Variants in QTMAN observed in about 807,000 individuals in gnomAD.
QTMAN encodes queuosine-tRNA mannosyltransferase.
chr2:144,266,294 G>T, the QTMAN span, among the ~76,000 whole-genome samples: 1 of 152,088 alleles, frequency 6.6e-6, no homozygotes, highest in Non-Finnish European at 1.5e-5. Context: ...AGAAAGAGGG[G>T]TAACATCCAG....
the QTMAN span, among the ~76,000 whole-genome samples, chr2:144,283,684 T>G: frequency 3.3e-5 from 5 of 152,216 alleles, no homozygotes; most frequent in African/African-American, 1.2e-4. Context: ...CAAAATATAG[T>G]TACTTGAAGT....
chr2:144,215,001 G>A, the QTMAN span, among the ~76,000 whole-genome samples: 137 of 152,016 alleles, frequency 9.0e-4, no homozygotes, highest in Non-Finnish European at 1.5e-3. Context: ...CTAGCACTTT[G>A]GGAGGCTGAG....
At chr2:144,005,438 C>T in the QTMAN span, among the ~76,000 whole-genome samples, 4 of 152,034 alleles carry the variant, frequency 2.6e-5, no homozygotes, top group African/African-American at 9.7e-5. Flanking sequence ...CAGCTTCTAC[C>T]TTGTATGTCC....
At chr2:144,082,163 C>T in the QTMAN span, among the ~76,000 whole-genome samples, 3 of 152,238 alleles carry the variant, frequency 2.0e-5, no homozygotes, top group South Asian at 6.2e-4. Flanking sequence ...TCCCAAAATG[C>T]TGGGATTACA....
chr2:144,210,804 T>A, the QTMAN span: 1 of 152,132 alleles, frequency 6.6e-6, no homozygotes, highest in African/African-American at 2.4e-5. Context: ...ATAAGCAGTT[T>A]AACATTAATT....
the QTMAN span, among the ~76,000 whole-genome samples, chr2:144,174,901 G>A: frequency 7.9e-5 from 12 of 152,178 alleles, no homozygotes; most frequent in East Asian, 2.1e-3. Flanking sequence ...TATGAAAATG[G>A]ACTAATACAA....
At chr2:144,172,801 A>T in the QTMAN span, among the ~76,000 whole-genome samples, 1 of 152,060 alleles carries the variant, frequency 6.6e-6, no homozygotes, top group South Asian at 2.1e-4. Flanking sequence ...GCCTCACCTA[A>T]GATTATGCCT....
At chr2:143,982,187 T>C in the QTMAN span, among the ~76,000 whole-genome samples, 1 of 152,120 alleles carries the variant, frequency 6.6e-6, no homozygotes, top group Admixed American at 6.6e-5. Flanking sequence ...TTAAATATAC[T>C]TACTGCTAGT....
the QTMAN span, among the ~76,000 whole-genome samples, chr2:144,111,687 A>T: frequency 1.3e-5 from 2 of 152,154 alleles, no homozygotes; most frequent in Non-Finnish European, 2.9e-5. Flanking sequence ...AGCATTTGTT[A>T]TCTTTAAATC....
the QTMAN span, among the ~76,000 whole-genome samples, chr2:144,133,386 ATATAT>A: frequency 0.23 from 11,089 of 48,448 alleles, 1,350 homozygotes; most frequent in Non-Finnish European, 0.31. Context: ...TAATAATATA[ATATAT>A]ATTATATAAA....
the QTMAN span, among the ~76,000 whole-genome samples, chr2:144,190,516 C>G: frequency 1.3e-5 from 2 of 152,138 alleles, no homozygotes; most frequent in Non-Finnish European, 2.9e-5. Flanking sequence ...AATGCTTTTA[C>G]TCATGAAAAT....
chr2:143,979,720 T>C, the QTMAN span, among the ~76,000 whole-genome samples: 11 of 152,350 alleles, frequency 7.2e-5, no homozygotes, highest in Admixed American at 5.9e-4. Flanking sequence ...TCAGCACATA[T>C]AGATATCTCA....
At chr2:144,023,453 C>G in the QTMAN span, among the ~76,000 whole-genome samples, 1 of 152,116 alleles carries the variant, frequency 6.6e-6, no homozygotes. Flanking sequence ...AAAATCAGAC[C>G]TTTTAACATT....
chr2:144,321,111 C>A, the QTMAN span, among the ~76,000 whole-genome samples: 3 of 152,178 alleles, frequency 2.0e-5, no homozygotes, highest in Non-Finnish European at 4.4e-5. Flanking sequence ...CCCCCACAAC[C>A]AAGTAGTATC....
At chr2:144,060,386 G>A in the QTMAN span, among the ~76,000 whole-genome samples, 1 of 152,008 alleles carries the variant, frequency 6.6e-6, no homozygotes, top group African/African-American at 2.4e-5. Context: ...TCAGCCTCCT[G>A]AGTAGCTGGG....
the QTMAN span, among the ~76,000 whole-genome samples, chr2:144,158,731 CAA>C: frequency 6.6e-6 from 1 of 151,784 alleles, no homozygotes; most frequent in African/African-American, 2.4e-5. Context: ...ATTGTATGTG[CAA>C]AAAAAGTCAG....
At chr2:144,098,063 ATG>A in the QTMAN span, among the ~76,000 whole-genome samples, 3 of 152,218 alleles carry the variant, frequency 2.0e-5, no homozygotes, top group East Asian at 5.8e-4. Context: ...AGTAGCACTA[ATG>A]TGAGCCAGAC....
the QTMAN span, among the ~76,000 whole-genome samples, chr2:144,050,762 T>C: frequency 6.6e-6 from 1 of 151,544 alleles, no homozygotes; most frequent in Admixed American, 6.6e-5. Flanking sequence ...GTGAAGTTGG[T>C]TTATTTTCCT....
At chr2:144,145,686 G>A in the QTMAN span, 1 of 1,611,682 alleles carries the variant, frequency 6.2e-7, no homozygotes, top group Non-Finnish European at 8.5e-7. Flanking sequence ...CCCAAGGTCA[G>A]GCCGAAGGGC....
Sources: allele counts gnomAD v4.1 joint callset (sites outside exome capture counted in the v4.1 genomes callset), GRCh38; gene constraint gnomAD v4.1.1; transcripts MANE v1.5; gene names NCBI Gene and HGNC (gene_info 2026-07-23, HGNC 2026-07-21).